GRB10: variants seen among roughly 807,000 people sequenced by gnomAD.
The protein encoded by GRB10 is growth factor receptor-bound protein 10.
GRB10 carries 20 observed loss-of-function variants against 80.9 expected under a neutral mutation model. The observed-to-expected ratio is 0.25, with a 90% CI of 0.17 to 0.36. GRB10 has a LOEUF of 0.36. Among genes scored for constraint, GRB10 ranks in the 10% least tolerant of loss-of-function variants. GRB10 has a pLI of 1.00. For missense variants in GRB10, 548 were observed against 747.7 expected, an observed-to-expected ratio of 0.73 and a Z score of 3.12; for synonymous variants, 291 against 291.5, an observed-to-expected ratio of 1.00 and a Z score of 0.02.
At chr7:50,765,058 G>T (rs1287735010) in intron 2 of GRB10, among the ~76,000 whole-genome samples, 4 of 152,148 alleles carry the variant, frequency 2.6e-5, no homozygotes, top group Non-Finnish European at 4.4e-5. Context: ...GAGCCAACAG[G>T]TGTATCCAAA....
At chr7:50,621,245 G>A (rs1314359729) in intron 8 of GRB10, among the ~76,000 whole-genome samples, 1 of 152,222 alleles carries the variant, frequency 6.6e-6, no homozygotes, top group African/African-American at 2.4e-5. Context: ...ACACACAGGG[G>A]GACGTGTCCC....
chr7:50,749,058 T>C (rs886196781), intron 3 of GRB10, among the ~76,000 whole-genome samples: 1 of 152,200 alleles, frequency 6.6e-6, no homozygotes, highest in Admixed American at 6.5e-5. Flanking sequence ...ACTCAAATGG[T>C]CTAGATGTTT....
chr7:50,653,511 C>T (rs2058254038), intron 7 of GRB10, among the ~76,000 whole-genome samples: 2 of 152,304 alleles, frequency 1.3e-5, no homozygotes, highest in African/African-American at 4.8e-5. Context: ...GGAAACAGCA[C>T]ACAACAAGTG....
chr7:50,742,296 C>G (rs1435772037), intron 3 of GRB10, among the ~76,000 whole-genome samples: 2 of 143,414 alleles, frequency 1.4e-5, no homozygotes, highest in Non-Finnish European at 3.0e-5. Context: ...CACACACACA[C>G]ACACACACAC....
At chr7:50,662,722 G>C (rs755633846) in intron 7 of GRB10, among the ~76,000 whole-genome samples, 7 of 152,206 alleles carry the variant, frequency 4.6e-5, no homozygotes, top group African/African-American at 7.2e-5. Context: ...ATGTGGAAGT[G>C]CTGTGAAAAT....
In GRB10 at chr7:50,607,439, TG is replaced by T. The variant is rs147996242; in HGVS notation, c.1195-1026del. ...GCATGCCTCAGTGCTGCTGCTACTGTGGCCCCTCAGGAGGGAAGAGCTGACT... is the reference window on the plus strand; with the variant it reads ...GCATGCCTCAGTGCTGCTGCTACTGTGCCCCTCAGGAGGGAAGAGCTGACT... On this transcript the variant is annotated intron_variant, in intron 13 of 18. Transcript: ENST00000401949. Among the ~76,000 whole-genome samples the T allele has an allele frequency of 2.6e-3, 390 of 152,348 alleles. 1 individual carries two copies. Among genetic ancestry groups the T allele is most frequent in the African/African-American group, 8.6e-3 (356 of 41,584 alleles).
At chr7:50,776,215 CTTCCTT>C (rs2077623211) in intron 2 of GRB10, among the ~76,000 whole-genome samples, 1 of 152,104 alleles carries the variant, frequency 6.6e-6, no homozygotes, top group African/African-American at 2.4e-5. Context: ...TTAAATTCTG[CTTCCTT>C]TTCTTTTTTG....
intron 7 of GRB10, among the ~76,000 whole-genome samples, chr7:50,658,099 C>T (rs546087730): frequency 7.9e-5 from 12 of 152,348 alleles, no homozygotes; most frequent in African/African-American, 2.6e-4. Flanking sequence ...AACTCTAGAA[C>T]ACTTTATCCT....
chr7:50,667,921 C>T (rs2153635034), intron 7 of GRB10, among the ~76,000 whole-genome samples: 1 of 152,264 alleles, frequency 6.6e-6, no homozygotes, highest in Admixed American at 6.5e-5. Context: ...CTGAGAGAGC[C>T]AGATAATATT....
At chr7:50,757,479 T>C (rs988508229) in intron 2 of GRB10, among the ~76,000 whole-genome samples, 3 of 152,242 alleles carry the variant, frequency 2.0e-5, no homozygotes, top group Non-Finnish European at 4.4e-5. Context: ...GATGCTGGTC[T>C]TTTTAGGACC....
chr7:50,703,719 T>C (rs1324193404), intron 5 of GRB10, 102 bp downstream of exon 5: 9 of 809,252 alleles, frequency 1.1e-5, no homozygotes, highest in Admixed American at 1.8e-5. Flanking sequence ...AATGTTAGAA[T>C]TGTAATCTAT....
intron 2 of GRB10, among the ~76,000 whole-genome samples, chr7:50,768,720 G>A (rs2076646456): frequency 6.6e-6 from 1 of 152,208 alleles, no homozygotes; most frequent in South Asian, 2.1e-4. Context: ...TGGCAAGCAT[G>A]ACCGACCATT....
intron 4 of GRB10, among the ~76,000 whole-genome samples, chr7:50,711,656 ATACCCTCTC>A (rs1258985734): frequency 1.3e-5 from 2 of 152,174 alleles, no homozygotes; most frequent in Admixed American, 6.5e-5. Context: ...CCAATGCCTG[ATACCCTCTC>A]TACCAACTGC....
In GRB10 at chr7:50,729,919, G is replaced by A. The variant is rs547269797; in HGVS notation, c.51+2353C>T. On this transcript the variant is annotated intron_variant, in intron 4 of 18. Coordinates refer to ENST00000401949, the MANE Select transcript of GRB10 (RefSeq NM_001350814.2). ...CTCCCTAGCCCAAAACATGTGCCTG[G>A]TACCTGGCTGGTGCTCTATCAAAGA... Among the ~76,000 whole-genome samples the A allele has an allele frequency of 1.9e-3, 293 of 152,190 alleles. 1 individual carries two copies. The highest frequency in any genetic ancestry group is 6.8e-3 in the African/African-American group (284 of 41,526).
intron 7 of GRB10, among the ~76,000 whole-genome samples, chr7:50,641,270 C>CAA (rs139121114): frequency 2.9e-5 from 4 of 138,408 alleles, no homozygotes; most frequent in African/African-American, 1.2e-4. Flanking sequence ...TTATACTCAT[C>CAA]AAAAAAGGTG....
At chr7:50,604,137 G>A in intron 16 of GRB10, 52 bp from the exon 17 acceptor site, 4 of 1,483,804 alleles carry the variant, frequency 2.7e-6, no homozygotes, top group Non-Finnish European at 3.8e-6. Context: ...CTGCAGAATG[G>A]CTTCCCTGAC....
rs569246420 is a variant in GRB10 at position 50,613,505 on chromosome 7, C to A, written c.1096-666G>T. On this transcript the variant is annotated intron_variant, in intron 12 of 18. Transcript: ENST00000401949. ...GAGAATTGTTGCAGGCATAAACTGACCTGCATCTCCAGAAGAACCCCCGAC... is the reference window on the plus strand; with the variant it reads ...GAGAATTGTTGCAGGCATAAACTGAACTGCATCTCCAGAAGAACCCCCGAC... Among the ~76,000 whole-genome samples, 7 of 152,310 alleles carry A rather than the reference C, an allele frequency of 4.6e-5. No homozygotes were observed. In the South Asian group the frequency reaches 1.5e-3, roughly 32 times the overall value.
chr7:50,690,237 G>C (rs1047157377), intron 5 of GRB10, among the ~76,000 whole-genome samples: 2 of 151,666 alleles, frequency 1.3e-5, no homozygotes, highest in South Asian at 2.1e-4. Context: ...TGGAGGTTGC[G>C]ATGAGTCAAG....
In GRB10 at chr7:50,701,542, G is replaced by A. The variant is rs1010782275; in HGVS notation, c.139+2279C>T. ...GGAGTTCAAGGCTGCAGTGAGCTACGAGCTGCTCTCCGGCCTGGGTGAGAG... is the reference window on the plus strand; with the variant it reads ...GGAGTTCAAGGCTGCAGTGAGCTACAAGCTGCTCTCCGGCCTGGGTGAGAG... On this transcript the variant is annotated intron_variant, in intron 5 of 18. Transcript: ENST00000401949. Among the ~76,000 whole-genome samples, 5 of 152,286 alleles carry A rather than the reference G, an allele frequency of 3.3e-5. No homozygotes were observed. In the South Asian group the frequency reaches 6.2e-4, roughly 19 times the overall value.
Sources: gnomAD v4.1 joint callset for allele counts (sites outside exome capture counted in the v4.1 genomes callset) on GRCh38, gnomAD v4.1.1 for gene constraint, MANE v1.5 for transcripts, NCBI Gene and HGNC (gene_info 2026-07-23, HGNC 2026-07-21) for gene names.